POLA2: variants seen among roughly 807,000 people sequenced by gnomAD.
POLA2 encodes the protein DNA polymerase alpha 2, accessory subunit.
In POLA2, 47 loss-of-function variants were observed where a neutral mutation model predicts 82.8. The observed-to-expected ratio is 0.57, with a 90% CI of 0.45 to 0.72. The LOEUF (loss-of-function observed/expected upper bound fraction) is 0.72. Among genes scored for constraint, POLA2 ranks in the 30% least tolerant of loss-of-function variants. POLA2 has a pLI of 0.00. For missense variants in POLA2, 634 were observed against 728.1 expected (o/e 0.87, Z 1.49); for synonymous variants, 287 against 286.8 (o/e 1.00, Z -0.01).
chr11:65,288,321 A>G (rs1294823029), intron 11 of POLA2, among the ~76,000 whole-genome samples: 1 of 152,124 alleles, frequency 6.6e-6, no homozygotes, highest in Middle Eastern at 3.2e-3. Flanking sequence ...AAATAAAAAT[A>G]AAAGCCCAAC....
At chr11:65,295,299 C>G (rs1187526127) in intron 15 of POLA2, among the ~76,000 whole-genome samples, 1 of 152,174 alleles carries the variant, frequency 6.6e-6, no homozygotes, top group Non-Finnish European at 1.5e-5. Context: ...CTTCCTTGAT[C>G]TTGATTATGA....
At chr11:65,292,561 A>G (rs140848909) in intron 13 of POLA2, among the ~76,000 whole-genome samples, 2 of 152,330 alleles carry the variant, frequency 1.3e-5, no homozygotes, top group African/African-American at 2.4e-5. Context: ...TGGAGCACAG[A>G]TTGTCCCATT....
chr11:65,304,370 T>A (rs1949875098), intron 8 of POLA2, among the ~76,000 whole-genome samples: 1 of 140,696 alleles, frequency 7.1e-6, no homozygotes, highest in Non-Finnish European at 1.5e-5. Context: ...CACCCACCCA[T>A]GAACTTAACC....
chr11:65,265,418 CT>C (rs1435848644), intron 1 of POLA2, among the ~76,000 whole-genome samples: 1 of 152,112 alleles, frequency 6.6e-6, no homozygotes, highest in Non-Finnish European at 1.5e-5. Flanking sequence ...GCACTTGACA[CT>C]GTTTGTCATT....
At chr11:65,278,607 A>G (rs367988252) in intron 5 of POLA2, 123 bp from the exon 6 acceptor site, 7 of 799,862 alleles carry the variant, frequency 8.8e-6, no homozygotes, top group African/African-American at 5.2e-5. Flanking sequence ...AACTGATTCA[A>G]TTTATAAACT....
chr11:65,295,623 G>C, intron 16 of POLA2, 24 bp downstream of exon 16: 2 of 1,598,264 alleles, frequency 1.3e-6, no homozygotes, highest in Non-Finnish European at 1.7e-6. Flanking sequence ...TGGGACCCCT[G>C]ACTGTGGAGA....
At chr11:65,278,996 G>T (rs1949612104) in intron 6 of POLA2, 73 bp downstream of exon 6, 4 of 1,368,734 alleles carry the variant, frequency 2.9e-6, no homozygotes, top group Non-Finnish European at 4.0e-6. Flanking sequence ...CAAAGCTTCA[G>T]CTAGGCTGGT....
intron 10 of POLA2, 138 bp downstream of exon 10, chr11:65,282,659 A>T: frequency 1.4e-6 from 1 of 733,816 alleles, no homozygotes; most frequent in Non-Finnish European, 2.4e-6. Flanking sequence ...CGCCACCATC[A>T]TGAGTTCGTA....
exon 9 of POLA2, chr11:65,305,507 C>A (rs1949882655): frequency 2.4e-6 from 1 of 416,464 alleles, no homozygotes. Flanking sequence ...GCTGACAGAG[C>A]TGACAAAATG....
At position 65,285,714 on chromosome 11, in the gene POLA2, A is replaced by G. The variant is rs1407762906; in HGVS notation, c.1007-2002A>G. Among the ~76,000 whole-genome samples the G allele has an allele frequency of 2.6e-5, 4 of 152,170 alleles. No individual in the cohort carries two copies. The East Asian group carries it at 7.7e-4, about 29-fold the overall frequency. Reference sequence around the variant, plus strand: ...CAGGAGCCTGAGCTGTGTACCAGAGAAGCCTTTGGAAACAGTTTAACAGGT... The same window carrying G: ...CAGGAGCCTGAGCTGTGTACCAGAGGAGCCTTTGGAAACAGTTTAACAGGT... On this transcript the variant is annotated intron_variant, in intron 10 of 17. Transcript: ENST00000265465.
At chr11:65,284,128 T>C (rs73484966) in intron 10 of POLA2, among the ~76,000 whole-genome samples, 360 of 44,386 alleles carry the variant, frequency 8.1e-3, no homozygotes, top group African/African-American at 0.032. Flanking sequence ...AGTAAGACAC[T>C]AGATAGATAG....
chr11:65,278,967 CT>C, intron 6 of POLA2, 44 bp downstream of exon 6: 2 of 1,560,388 alleles, frequency 1.3e-6, no homozygotes, highest in Non-Finnish European at 1.8e-6. Context: ...ATAAAACCAC[CT>C]AGAAGGGTGT....
intron 15 of POLA2, 27 bp downstream of exon 15, chr11:65,294,679 C>G: frequency 6.8e-7 from 1 of 1,476,976 alleles, no homozygotes; most frequent in South Asian, 1.1e-5. Context: ...AGGCCCCAAG[C>G]AGGATGACTG....
intron 4 of POLA2, among the ~76,000 whole-genome samples, chr11:65,272,662 G>A (rs549652759): frequency 3.3e-5 from 5 of 152,284 alleles, no homozygotes; most frequent in African/African-American, 1.2e-4. Context: ...GTGTGAGAAT[G>A]TGCTTACCCT....
intron 12 of POLA2, 90 bp from the exon 13 acceptor site, chr11:65,289,709 C>A: frequency 1.3e-6 from 1 of 792,186 alleles, no homozygotes; most frequent in Non-Finnish European, 2.1e-6. Context: ...AGCCCAACAG[C>A]TGACTTCTAT....
intron 4 of POLA2, among the ~76,000 whole-genome samples, chr11:65,271,198 A>C (rs1169467663): frequency 6.6e-6 from 1 of 152,154 alleles, no homozygotes; most frequent in African/African-American, 2.4e-5. Context: ...TTGAGAATAG[A>C]GACTTTGTTT....
intron 6 of POLA2, 92 bp from the exon 7 acceptor site, chr11:65,279,446 T>C (rs1949616556): frequency 1.2e-6 from 1 of 815,332 alleles, no homozygotes; most frequent in African/African-American, 1.8e-5. Flanking sequence ...GTAAAATGAC[T>C]GACTTTAATA....
chr11:65,263,844 CTT>C (rs1466705498), intron 1 of POLA2, among the ~76,000 whole-genome samples: 3 of 151,264 alleles, frequency 2.0e-5, no homozygotes, highest in Non-Finnish European at 2.9e-5. Context: ...AAAAAAAAGA[CTT>C]AAGTGGAAAA....
In POLA2 at chr11:65,262,366, A is replaced by G. The variant is rs912567810; in HGVS notation, c.74A>G (p.Glu25Gly). ...CTAGACTGCGAGGAGGCTCTAATTG[A>G]GAAATGTGAGTCCCGCACCCCTCCC... The part of the protein sequence containing the change: ...FGLDCEEALI[E>G]KLVELCVQYG... The change falls in exon 1 of 18, where the codon GAG becomes GGG. Residue 25 changes from glutamate to glycine, a missense_variant. Physicochemically the swap from Glu to Gly is moderately conservative, Grantham distance 98 (BLOSUM62 -2). Coordinates refer to ENST00000265465, the MANE Select transcript of POLA2 (RefSeq NM_002689.4). 6.2e-7 allele frequency: 1 copy of G among 1,612,348 alleles called. No homozygotes were observed. Among genetic ancestry groups the G allele is most frequent in the African/African-American group, 1.3e-5 (1 of 74,840 alleles).
Sources: gnomAD v4.1 joint callset for allele counts (sites outside exome capture counted in the v4.1 genomes callset) on GRCh38, gnomAD v4.1.1 for gene constraint, MANE v1.5 for transcripts, NCBI Gene and HGNC (gene_info 2026-07-23, HGNC 2026-07-21) for gene names.